Variants in FAM124A observed in about 807,000 individuals in gnomAD.
FAM124A encodes protein FAM124A.
Under a neutral mutation model 24.5 loss-of-function variants are expected in FAM124A, and 23 were observed. The observed-to-expected ratio is 0.94, with a 90% CI of 0.68 to 1.33. The LOEUF is 1.33. Ranked by LOEUF, FAM124A falls within the 40% of genes most tolerant of loss-of-function variation. The pLI is 0.00. For synonymous variants in FAM124A, 287 were observed against 314.7 expected (o/e 0.91, Z 0.93); for missense variants, 623 against 722.8 (o/e 0.86, Z 1.58).
rs761446094 is a variant in FAM124A at position 51,251,724 on chromosome 13, G to A, written c.357G>A (p.Leu119=). 3.2e-6 allele frequency: 5 copies of A among 1,585,944 alleles called. No homozygotes were observed. The South Asian group carries it at 5.7e-5, about 18-fold the overall frequency. ...EEYGEEQILQ[L]HRTLQQPPWR... is the part of the protein sequence containing the mutation. ...ACGGCGAAGAGCAGATCCTGCAGCT[G>A]CACCGCACACTGCAGCAGCCGCCCT... Residue 119 remains leucine, a synonymous_variant, in exon 3 of 4, where the codon CTG becomes CTA. Transcript: ENST00000322475. This position sits in a 1 kb window ranked among gnomAD's most constrained non-coding sequence, Gnocchi z 5.3.
intron 3 of FAM124A, among the ~76,000 whole-genome samples, chr13:51,259,591 A>G (rs1954712373): frequency 6.6e-6 from 1 of 152,126 alleles, no homozygotes; most frequent in African/African-American, 2.4e-5. Context: ...AGGCTCACTG[A>G]GATCTGTGGG....
chr13:51,268,958 A>G lies in FAM124A; in HGVS notation c.835-11492A>G, dbSNP rs553318242. 2.1e-3 allele frequency among the ~76,000 whole-genome samples: 321 copies of G among 152,366 alleles called. 2 individuals are homozygous for G. Among genetic ancestry groups the G allele is most frequent in the African/African-American group, 7.4e-3 (309 of 41,586 alleles). On this transcript the variant is annotated intron_variant, in intron 3 of 3. Transcript: ENST00000322475. ...TGCACAATCCAACTGAATAAGATGTAAGTAACTTAGGAGAAACAAACACAT... is the reference window on the plus strand; with the variant it reads ...TGCACAATCCAACTGAATAAGATGTGAGTAACTTAGGAGAAACAAACACAT...
rs572974211 is a variant in FAM124A, at chr13:51,260,307, C to T, written c.834+8106C>T. On this transcript the variant is annotated intron_variant, in intron 3 of 3. Coordinates refer to ENST00000322475, the MANE Select transcript of FAM124A (RefSeq NM_001242312.2). ...GCCATGTGACTGTGAGAGAGCCCCG[C>T]TTCTCCCAGGGGAGGGCTCAGCCAG... 5.3e-5 allele frequency among the ~76,000 whole-genome samples: 8 copies of T among 152,286 alleles called. No homozygotes were observed. In the South Asian group the frequency reaches 6.2e-4, roughly 12 times the overall value.
At chr13:51,276,679 G>T (rs1954888509) in intron 3 of FAM124A, among the ~76,000 whole-genome samples, 1 of 152,172 alleles carries the variant, frequency 6.6e-6, no homozygotes, top group Admixed American at 6.5e-5. Context: ...AAAGGAAAGG[G>T]AAAGGAAAAG....
intron 3 of FAM124A, among the ~76,000 whole-genome samples, chr13:51,261,344 A>C (rs1309987458): frequency 6.6e-6 from 1 of 152,108 alleles, no homozygotes; most frequent in African/African-American, 2.4e-5. Flanking sequence ...CTGGGCCGAG[A>C]CCCTGAAGGA....
chr13:51,262,228 C>T (rs1425225424), intron 3 of FAM124A, among the ~76,000 whole-genome samples: 1 of 152,232 alleles, frequency 6.6e-6, no homozygotes, highest in Non-Finnish European at 1.5e-5. Flanking sequence ...AACACCAGAT[C>T]AAAAACCTAC....
chr13:51,226,142 A>C (rs1275827781), intron 1 of FAM124A, among the ~76,000 whole-genome samples: 1 of 150,840 alleles, frequency 6.6e-6, no homozygotes, highest in Non-Finnish European at 1.5e-5. Context: ...ACAGGCCCGC[A>C]CCACCGACAC....
rs866053294 is a variant in FAM124A at position 51,245,248 on chromosome 13, G to C, written c.101-6220G>C. 22 of 565,792 alleles carry C rather than the reference G, an allele frequency of 3.9e-5. 2 individuals are homozygous for C. In the Middle Eastern group the frequency reaches 5.6e-3, roughly 143 times the overall value. The allele number at this position is 565,792 out of a possible 1,614,324, so 35.0% of individuals were successfully genotyped here. A position where few individuals can be genotyped will look rare whatever the true frequency, so the allele number is the denominator to read the frequency against. On this transcript the variant is annotated intron_variant, in intron 2 of 3. Coordinates refer to ENST00000322475, the MANE Select transcript of FAM124A (RefSeq NM_001242312.2). ...AGATGCAAAAAACTGGTTAGGACTA[G>C]GTGTGCCATTTGCACAGCATGTGAA... is the stretch of plus-strand genomic sequence containing the variant.
chr13:51,262,806 C>T (rs111829512), intron 3 of FAM124A, among the ~76,000 whole-genome samples: 4 of 152,188 alleles, frequency 2.6e-5, no homozygotes, highest in African/African-American at 7.2e-5. Context: ...ACTATCTTCC[C>T]GAGGTGGTCT....
chr13:51,246,700 C>T (rs115932868), intron 2 of FAM124A, among the ~76,000 whole-genome samples: 153 of 152,264 alleles, frequency 1.0e-3, no homozygotes, highest in African/African-American at 3.5e-3. Context: ...CCTTTCAGCT[C>T]ACCCCCCTGC....
At chr13:51,233,178 C>G (rs755603972) in intron 2 of FAM124A, among the ~76,000 whole-genome samples, 1 of 152,110 alleles carries the variant, frequency 6.6e-6, no homozygotes, top group African/African-American at 2.4e-5. Flanking sequence ...AAAAAGTCCA[C>G]GGAGGCAGTG....
chr13:51,231,301 A>G (rs932340669), intron 1 of FAM124A, 47 bp from the exon 2 acceptor site: 16 of 1,611,794 alleles, frequency 9.9e-6, no homozygotes, highest in Non-Finnish European at 1.3e-5. Flanking sequence ...GCTTGAATAA[A>G]TCATTTGGAT....
At chr13:51,254,709 T>C (rs1156902179) in intron 3 of FAM124A, among the ~76,000 whole-genome samples, 1 of 152,360 alleles carries the variant, frequency 6.6e-6, no homozygotes, top group Admixed American at 6.5e-5. Context: ...TTTGCACTGA[T>C]GCCTGATGAT....
In FAM124A at chr13:51,268,713, T is replaced by A. The variant is rs567535841; in HGVS notation, c.835-11737T>A. On this transcript the variant is annotated intron_variant, in intron 3 of 3. Coordinates refer to ENST00000322475, the MANE Select transcript of FAM124A (RefSeq NM_001242312.2). ...TCCAAGATCCACTTAAGTCTAATGG[T>A]GTGGATCACCAAGTTATGAGCACCT... 7.2e-5 allele frequency among the ~76,000 whole-genome samples: 11 copies of A among 152,326 alleles called. No individual in the cohort carries two copies. In the South Asian group the frequency reaches 1.2e-3, roughly 17 times the overall value.
chr13:51,241,838 T>G (rs1954498959), intron 2 of FAM124A, among the ~76,000 whole-genome samples: 1 of 152,236 alleles, frequency 6.6e-6, no homozygotes, highest in Non-Finnish European at 1.5e-5. Context: ...CTGCTGCATC[T>G]ACTGCGTTCA....
At chr13:51,279,799 C>T (rs941723018) in intron 3 of FAM124A, among the ~76,000 whole-genome samples, 3 of 152,142 alleles carry the variant, frequency 2.0e-5, no homozygotes, top group Non-Finnish European at 2.9e-5. Context: ...TGAAAGGTAA[C>T]GTATATAGAG....
rs1954616820 is a variant in FAM124A, at chr13:51,251,310, A to G, written c.101-158A>G. Among the ~76,000 whole-genome samples, 2 of 152,226 alleles carry G rather than the reference A, an allele frequency of 1.3e-5. No homozygotes were observed. The highest frequency in any genetic ancestry group is 4.1e-4 in the South Asian group (2 of 4,830). The stretch of plus-strand genomic sequence containing the variant: ...CTAAGGTGCTGGCATAGTAGTTTTT[A>G]TAGGTAAACTTGGGATCAGAAAATC... On this transcript the variant is annotated intron_variant, in intron 2 of 3. Transcript: ENST00000322475. The surrounding 1 kb of genome is among the most constrained non-coding windows in gnomAD (Gnocchi z 5.3).
intron 3 of FAM124A, among the ~76,000 whole-genome samples, chr13:51,265,197 G>A (rs1243444324): frequency 2.0e-5 from 3 of 152,158 alleles, no homozygotes; most frequent in Non-Finnish European, 2.9e-5. Flanking sequence ...GTCTTCCCAG[G>A]TCGGCTTGGC....
At chr13:51,230,467 C>T (rs1954362576) in intron 1 of FAM124A, among the ~76,000 whole-genome samples, 1 of 152,180 alleles carries the variant, frequency 6.6e-6, no homozygotes, top group African/African-American at 2.4e-5. Flanking sequence ...TGCATAACTT[C>T]GTCCCCTAAC....
Sources: allele counts gnomAD v4.1 joint callset (sites outside exome capture counted in the v4.1 genomes callset), GRCh38; gene constraint gnomAD v4.1.1; non-coding constraint Gnocchi (gnomAD v3.1); transcripts MANE v1.5; gene names NCBI Gene and HGNC (gene_info 2026-07-23, HGNC 2026-07-21).